SF3B2: variants seen among roughly 807,000 people sequenced by gnomAD.
SF3B2 encodes SAP 145.
SF3B2 carries 22 observed loss-of-function variants against 116.3 expected under a neutral mutation model. The observed-to-expected ratio is 0.19, with a 90% CI of 0.14 to 0.27. The LOEUF is 0.27. SF3B2 is among the 10% of genes least tolerant of loss of function. The pLI is 1.00. For missense variants in SF3B2, 767 were observed against 1,151.4 expected (o/e 0.67, Z 4.83); for synonymous variants, 406 against 421.6 (o/e 0.96, Z 0.45).
At chr11:66,057,565 G>C (rs1252428631) in intron 7 of SF3B2, among the ~76,000 whole-genome samples, 190 bp downstream of exon 7, 3 of 152,072 alleles carry the variant, frequency 2.0e-5, no homozygotes, top group Non-Finnish European at 4.4e-5. Flanking sequence ...GCAGAGTCTT[G>C]GGGTCCCTCT....
intron 21 of SF3B2, 49 bp from the exon 22 acceptor site, chr11:66,068,625 C>G: frequency 6.5e-7 from 1 of 1,549,712 alleles, no homozygotes; most frequent in Non-Finnish European, 8.9e-7. Flanking sequence ...TTTGGGGGTC[C>G]GGGGGTGGTT....
At chr11:66,053,270 C>G (rs1856923574) in intron 3 of SF3B2, 166 bp downstream of exon 3, 1 of 672,104 alleles carries the variant, frequency 1.5e-6, no homozygotes, top group South Asian at 1.7e-5. Context: ...CAGGGTAGCC[C>G]TTCCTCTCAC....
Position 66,052,799 on chromosome 11 carries a change from A to G in SF3B2, c.180+80A>G, listed in dbSNP as rs982465155. 3 of 1,463,826 alleles carry G rather than the reference A, an allele frequency of 2.0e-6. No individual in the cohort carries two copies. The South Asian group carries it at 4.0e-5, about 20-fold the overall frequency. The allele number at this position is 1,463,826 out of a possible 1,614,324, so 90.7% of individuals were successfully genotyped here. On this transcript the variant is annotated intron_variant, in intron 2 of 21. Coordinates refer to ENST00000322535, the MANE Select transcript of SF3B2 (RefSeq NM_006842.3). ...TATACCCCATCACGGCTCGGTCTTC[A>G]TTCTTTCTTTATCTCGGCACAGCAA... is the stretch of plus-strand genomic sequence containing the variant.
At chr11:66,068,124 A>C in intron 20 of SF3B2, 24 bp from the exon 21 acceptor site, 1 of 1,613,306 alleles carries the variant, frequency 6.2e-7, no homozygotes, top group Non-Finnish European at 8.5e-7. Context: ...TTTGGAGATG[A>C]CCAGGCCCTG....
rs548405368 is a variant in SF3B2 at position 66,056,962 on chromosome 11, C to T, written c.667+7C>T. On this transcript the variant is annotated splice_region_variant and intron_variant, in intron 6 of 21. Coordinates refer to ENST00000322535, the MANE Select transcript of SF3B2 (RefSeq NM_006842.3). ...ACTCCTCTGGGTCCTCGAGGTGAGA[C>T]CCTGGAACCGAGGGGAAGGGCAAGG... 56 of 1,597,566 alleles carry T rather than the reference C, an allele frequency of 3.5e-5. No individual in the cohort carries two copies. Among genetic ancestry groups the T allele is most frequent in the Non-Finnish European group, 3.9e-5 (46 of 1,165,152 alleles).
intron 3 of SF3B2, 72 bp from the exon 4 acceptor site, chr11:66,055,004 G>A: frequency 6.9e-7 from 1 of 1,440,508 alleles, no homozygotes; most frequent in Non-Finnish European, 9.3e-7. Flanking sequence ...CTGACTCAAA[G>A]TAGATCCCCC....
intron 5 of SF3B2, chr11:66,055,912 G>A: frequency 3.2e-6 from 1 of 314,104 alleles, no homozygotes; most frequent in Non-Finnish European, 5.8e-6. Flanking sequence ...TATAAAAAGA[G>A]CCTGCTGACC....
rs1565089601 is a variant in SF3B2 at position 66,059,848 on chromosome 11, C to T, written c.1468C>T (p.His490Tyr). The T allele has an allele frequency of 1.2e-6, 2 of 1,614,210 alleles. No homozygotes were observed. The highest frequency in any genetic ancestry group is 1.7e-6 in the Non-Finnish European group (2 of 1,180,046). Residue 490 changes from histidine to tyrosine, a missense_variant, in exon 13 of 22, where the codon CAC becomes TAC. By Grantham distance (83) the His-to-Tyr change is moderately conservative. This residue lies in a region of SF3B2 where 282 missense variants were observed against 568.0 expected (regional missense o/e 0.50). Coordinates refer to ENST00000322535, the MANE Select transcript of SF3B2 (RefSeq NM_006842.3). The surrounding 1 kb of genome is among the most constrained non-coding windows in gnomAD (Gnocchi z 5.0). ...VTAQDPKLLV[H>Y]LKATRNSVPV... ...AGCGCAGGACCCTAAGCTCTTGGTT[C>T]ACCTCAAGGCCACTCGGAACTCTGT...
chr11:66,061,565 G>T (rs897244675), intron 14 of SF3B2, 121 bp from the exon 15 acceptor site: 19 of 752,362 alleles, frequency 2.5e-5, no homozygotes, highest in African/African-American at 2.2e-4. Context: ...GGAAAGAAGT[G>T]ATGAGAATCA....
At chr11:66,055,749 A>C in intron 5 of SF3B2, 164 bp downstream of exon 5, 2 of 632,374 alleles carry the variant, frequency 3.2e-6, no homozygotes, top group South Asian at 4.2e-5. Context: ...TCAGGAATTG[A>C]CAAACTATGA....
In SF3B2 at chr11:66,058,168, T is replaced by TGTAGCCAGATGCTGTAGTGTGCCA. The variant is rs1204146185; in HGVS notation, c.874+19_874+20insTAGCCAGATGCTGTAGTGTGCCAG. On this transcript the variant is annotated intron_variant, in intron 8 of 21. Transcript: ENST00000322535. ...TCAGCAGGGTGAGTGCCAGGCGTTC[T>TGTAGCCAGATGCTGTAGTGTGCCA]GATGCTGTAGCCACAGAACCTGGAG... is the stretch of plus-strand genomic sequence containing the variant. 1 of 1,603,804 alleles carries TGTAGCCAGATGCTGTAGTGTGCCA rather than the reference T, an allele frequency of 6.2e-7. No homozygotes were observed. Among genetic ancestry groups the TGTAGCCAGATGCTGTAGTGTGCCA allele is most frequent in the East Asian group, 2.2e-5 (1 of 44,750 alleles).
At chr11:66,053,260 C>T (rs1856923347) in intron 3 of SF3B2, 156 bp downstream of exon 3, 2 of 720,002 alleles carry the variant, frequency 2.8e-6, no homozygotes, top group East Asian at 2.5e-5. Flanking sequence ...TCCATATGTT[C>T]AGGGTAGCCC....
At chr11:66,054,569 G>C (rs986402155) in intron 3 of SF3B2, among the ~76,000 whole-genome samples, 5 of 152,034 alleles carry the variant, frequency 3.3e-5, no homozygotes, top group African/African-American at 1.2e-4. Flanking sequence ...GCCTGCCCCA[G>C]GCACAGTTCC....
chr11:66,065,392 G>GT (rs1216982461), intron 19 of SF3B2: 1 of 152,144 alleles, frequency 6.6e-6, no homozygotes, highest in Non-Finnish European at 1.5e-5. Flanking sequence ...TTATTTGGCT[G>GT]TTTTTAAGAT....
intron 8 of SF3B2, 21 bp downstream of exon 8, chr11:66,058,171 T>G (rs1857036250): frequency 3.1e-6 from 5 of 1,597,466 alleles, no homozygotes; most frequent in Non-Finnish European, 3.4e-6. Flanking sequence ...GGCGTTCTGA[T>G]GCTGTAGCCA....
At chr11:66,067,664 C>G in intron 19 of SF3B2, 1 of 494,982 alleles carries the variant, frequency 2.0e-6, no homozygotes, top group Non-Finnish European at 3.8e-6. Context: ...TTGAGCCTCT[C>G]TGACCTTTTG....
intron 5 of SF3B2, among the ~76,000 whole-genome samples, chr11:66,056,399 CAAAAAAA>C (rs34575917): frequency 7.7e-5 from 4 of 52,174 alleles, no homozygotes; most frequent in East Asian, 6.1e-4. Flanking sequence ...GACTCTGTCT[CAAAAAAA>C]AAAAAAAAAA....
intron 19 of SF3B2, chr11:66,065,360 C>T (rs995866668): frequency 1.3e-5 from 2 of 152,148 alleles, no homozygotes; most frequent in African/African-American, 4.8e-5. Context: ...ACCTTTGTTC[C>T]TGTGTACATA....
rs1356746605 is a variant in SF3B2 at position 66,059,168 on chromosome 11, A to T, written c.1183-33A>T. 1 of 1,613,752 alleles carries T rather than the reference A, an allele frequency of 6.2e-7. No individual in the cohort carries two copies. Among genetic ancestry groups the T allele is most frequent in the East Asian group, 2.2e-5 (1 of 44,868 alleles). ...CCTTAGGAACTGGGAAGGGGCTCAG[A>T]GGGCAGGGGTTTCACCTTGTCTGCC... On this transcript the variant is annotated intron_variant, in intron 10 of 21. Coordinates refer to ENST00000322535, the MANE Select transcript of SF3B2 (RefSeq NM_006842.3). The surrounding 1 kb of genome is among the most constrained non-coding windows in gnomAD (Gnocchi z 5.0).
Sources: gnomAD v4.1 joint callset for allele counts (sites outside exome capture counted in the v4.1 genomes callset) on GRCh38, gnomAD v4.1.1 for gene constraint, gnomAD v4.1.1 regional missense constraint, Gnocchi (gnomAD v3.1) non-coding constraint, MANE v1.5 for transcripts, NCBI Gene and HGNC (gene_info 2026-07-23, HGNC 2026-07-21) for gene names.